Variants in MTUS2 observed in about 807,000 individuals in gnomAD.
MTUS2 encodes microtubule associated scaffold protein 2.
A neutral mutation model predicts 114.1 loss-of-function variants in MTUS2; 40 were observed. That is an observed-to-expected ratio of 0.35 (90% CI 0.27 to 0.46). The LOEUF is 0.46. Ranked by LOEUF, MTUS2 falls within the 20% of genes least tolerant of loss-of-function variation. MTUS2 has a pLI of 1.00. For synonymous variants in MTUS2, 688 were observed against 672.0 expected (o/e 1.02, Z -0.37); for missense variants, 1,679 against 1,705.4 (o/e 0.98, Z 0.27).
chr13:29,344,874 A>T (rs574460291), intron 7 of MTUS2, among the ~76,000 whole-genome samples: 1 of 152,160 alleles, frequency 6.6e-6, no homozygotes, highest in African/African-American at 2.4e-5. Flanking sequence ...AATTCTCTCA[A>T]CATTTGTTTG....
chr13:29,205,212 T>A (rs1895132142), intron 5 of MTUS2, among the ~76,000 whole-genome samples: 1 of 152,216 alleles, frequency 6.6e-6, no homozygotes, highest in South Asian at 2.1e-4. Flanking sequence ...TGATGTGTGT[T>A]TCATTCTTCT....
intron 2 of MTUS2, among the ~76,000 whole-genome samples, chr13:28,862,349 G>A (rs756308254): frequency 2.0e-5 from 3 of 152,176 alleles, no homozygotes; most frequent in Non-Finnish European, 2.9e-5. Context: ...GGTGGCTCAC[G>A]CCTTTAATCC....
intron 8 of MTUS2, among the ~76,000 whole-genome samples, chr13:29,394,722 G>A (rs557351600): frequency 6.6e-5 from 10 of 152,340 alleles, no homozygotes; most frequent in African/African-American, 2.2e-4. Context: ...AGCGGGAGGT[G>A]TGCAGGAGGT....
intron 5 of MTUS2, among the ~76,000 whole-genome samples, chr13:29,205,000 G>GGCTC (rs1895124388): frequency 6.6e-6 from 1 of 152,140 alleles, no homozygotes; most frequent in East Asian, 1.9e-4. Flanking sequence ...GTCCCAGTCA[G>GGCTC]AGGGACCATC....
intron 10 of MTUS2, 124 bp from the exon 11 acceptor site, chr13:29,487,776 G>A: frequency 1.3e-6 from 1 of 776,296 alleles, no homozygotes; most frequent in Non-Finnish European, 2.2e-6. Flanking sequence ...CAGCTCTCCT[G>A]CTTCGGCACA....
intron 7 of MTUS2, among the ~76,000 whole-genome samples, chr13:29,355,782 A>G (rs1317397710): frequency 6.6e-6 from 1 of 152,202 alleles, no homozygotes; most frequent in Non-Finnish European, 1.5e-5. Flanking sequence ...TATTTCACAC[A>G]GAAAAGGAAG....
At chr13:29,397,049 G>A (rs1295318605) in intron 8 of MTUS2, among the ~76,000 whole-genome samples, 3 of 152,176 alleles carry the variant, frequency 2.0e-5, no homozygotes, top group Admixed American at 6.5e-5. Context: ...GGGAGTAAGG[G>A]AAGCAGGATA....
At chr13:29,167,452 A>C (rs1189515048) in intron 5 of MTUS2, among the ~76,000 whole-genome samples, 1 of 151,492 alleles carries the variant, frequency 6.6e-6, no homozygotes, top group Non-Finnish European at 1.5e-5. Flanking sequence ...ATTACTTTCT[A>C]AGTCATTCTA....
At chr13:28,854,302 G>T (rs539837908) in intron 2 of MTUS2, among the ~76,000 whole-genome samples, 2 of 152,294 alleles carry the variant, frequency 1.3e-5, no homozygotes, top group East Asian at 3.9e-4. Context: ...CTCTCCACAA[G>T]AAATTGTGGA....
intron 5 of MTUS2, among the ~76,000 whole-genome samples, chr13:29,218,583 A>T (rs1308267272): frequency 6.6e-6 from 1 of 152,262 alleles, no homozygotes; most frequent in Non-Finnish European, 1.5e-5. Context: ...GTATTTCTTA[A>T]GTAATAAGGC....
intron 5 of MTUS2, among the ~76,000 whole-genome samples, chr13:29,243,057 G>A (rs3011464): frequency 0.017 from 2,615 of 152,256 alleles, 84 homozygotes; most frequent in African/African-American, 0.06. Flanking sequence ...GAGACAGATC[G>A]AATCTGAGAT....
At chr13:29,389,183 C>A (rs1872842026) in intron 8 of MTUS2, among the ~76,000 whole-genome samples, 1 of 138,840 alleles carries the variant, frequency 7.2e-6, no homozygotes, top group African/African-American at 2.6e-5. Flanking sequence ...ATATATATAT[C>A]TATATATCTA....
At chr13:29,342,991 G>A (rs1901476445) in intron 7 of MTUS2, among the ~76,000 whole-genome samples, 1 of 152,058 alleles carries the variant, frequency 6.6e-6, no homozygotes, top group Admixed American at 6.5e-5. Flanking sequence ...AACCATCCCT[G>A]CATCTATAGT....
In MTUS2 at chr13:29,317,642, G is replaced by C. The variant is rs1473530060; in HGVS notation, c.2807-6971G>C. Among the ~76,000 whole-genome samples, 9 of 12,656 alleles carry C rather than the reference G, an allele frequency of 7.1e-4. 3 individuals carry two copies. The highest frequency in any genetic ancestry group is 1.4e-3 in the African/African-American group (9 of 6,528). The allele number at this position is 12,656 out of a possible 152,430, so 8.3% of individuals were successfully genotyped here. Reference sequence around the variant, plus strand: ...TTTAGTAGAGACGGGGTTTCACCTTGTTAGCCAGGATGGTCTCCATCTCCT... The same window carrying C: ...TTTAGTAGAGACGGGGTTTCACCTTCTTAGCCAGGATGGTCTCCATCTCCT... On this transcript the variant is annotated intron_variant, in intron 6 of 15. Transcript: ENST00000612955.
At chr13:29,355,493 T>C (rs546785617) in intron 7 of MTUS2, among the ~76,000 whole-genome samples, 2 of 152,248 alleles carry the variant, frequency 1.3e-5, no homozygotes, top group African/African-American at 4.8e-5. Context: ...GGTTCAGCAA[T>C]GTGCTTAATT....
Position 29,439,720 on chromosome 13 carries a change from A to G in MTUS2, c.3118-263A>G. 1.3e-5 allele frequency among the ~76,000 whole-genome samples: 2 copies of G among 152,216 alleles called. 1 individual carries two copies. The highest frequency in any genetic ancestry group is 2.9e-5 in the Non-Finnish European group (2 of 68,034). ...ATTTGCAAAGAATTAATGCAGGATG[A>G]TATACAGGAGTGTAATCTAGACAAA... On this transcript the variant is annotated intron_variant, in intron 8 of 15. Transcript: ENST00000612955.
chr13:29,084,783 C>G (rs565327131), intron 4 of MTUS2, among the ~76,000 whole-genome samples: 1 of 118,190 alleles, frequency 8.5e-6, no homozygotes, highest in African/African-American at 3.0e-5. Context: ...GGTGATCCAC[C>G]CCCCCCCCTC....
chr13:29,306,883 C>A, intron 6 of MTUS2: 1 of 505,992 alleles, frequency 2.0e-6, no homozygotes, highest in Non-Finnish European at 3.9e-6. Flanking sequence ...CATCAGTGAC[C>A]CCTTCATTGA....
chr13:29,359,297 G>A lies in MTUS2; in HGVS notation c.2941G>A (p.Gly981Arg). ...PKQRTAAARN[G>R]FPPKPDPQAR... is the part of the protein sequence containing the mutation. Reference sequence around the variant, plus strand: ...GCAGAGGACTGCGGCAGCTCGAAATGGGTTTCCGCCCAAGCCGGACCCGCA... The same window carrying A: ...GCAGAGGACTGCGGCAGCTCGAAATAGGTTTCCGCCCAAGCCGGACCCGCA... The change falls in exon 8 of 16, where the codon GGG (glycine) becomes AGG (arginine). Residue 981 changes from glycine (G) to arginine (R), a missense_variant. This residue lies in a region of MTUS2 where 822 missense variants were observed against 899.7 expected (regional missense o/e 0.91). Transcript: ENST00000612955. The A allele has an allele frequency of 6.2e-7, 1 of 1,607,392 alleles. No individual in the cohort carries two copies. Among genetic ancestry groups the A allele is most frequent in the Non-Finnish European group, 8.5e-7 (1 of 1,177,156 alleles).
Sources: allele counts gnomAD v4.1 joint callset (sites outside exome capture counted in the v4.1 genomes callset), GRCh38; gene constraint gnomAD v4.1.1; regional missense constraint gnomAD v4.1.1; transcripts MANE v1.5; gene names NCBI Gene and HGNC (gene_info 2026-07-23, HGNC 2026-07-21).